The following NARS2 variants were observed in gnomAD, a reference collection of about 807,000 sequenced individuals.
The protein encoded by NARS2 is asparaginyl-tRNA synthetase 2, mitochondrial.
A neutral mutation model predicts 62.9 loss-of-function variants in NARS2; 60 were observed. The ratio of observed to expected loss-of-function variants is 0.95; its 90% CI spans 0.77 to 1.18. The LOEUF is 1.18. NARS2 is among the 50% of genes most tolerant of loss of function. The probability of loss-of-function intolerance (pLI) is 0.00; values close to 1 mark genes in which losing one functional copy is unlikely to be tolerated. For missense variants in NARS2, 619 were observed against 576.4 expected, an observed-to-expected ratio of 1.07 and a Z score of -0.76; for synonymous variants, 196 against 200.0, an observed-to-expected ratio of 0.98 and a Z score of 0.17.
chr11:78,531,711 G>A (rs1243847165), intron 5 of NARS2, among the ~76,000 whole-genome samples: 2 of 152,150 alleles, frequency 1.3e-5, no homozygotes, highest in African/African-American at 4.8e-5. Context: ...AAAATTAAAT[G>A]TTTTAGCATG....
intron 6 of NARS2, among the ~76,000 whole-genome samples, chr11:78,514,843 T>C (rs1860845512): frequency 6.6e-6 from 1 of 152,202 alleles, no homozygotes; most frequent in Non-Finnish European, 1.5e-5. Context: ...ATGCAAATAA[T>C]GTATAACCTA....
chr11:78,494,657 T>A (rs7113559), intron 6 of NARS2, among the ~76,000 whole-genome samples: 47 of 151,888 alleles, frequency 3.1e-4, no homozygotes, highest in Middle Eastern at 3.4e-3. Flanking sequence ...CTGAGAACCT[T>A]AGTTTTTATT....
At chr11:78,465,710 G>C (rs1405779555) in intron 11 of NARS2, among the ~76,000 whole-genome samples, 166 bp downstream of exon 11, 1 of 152,212 alleles carries the variant, frequency 6.6e-6, no homozygotes, top group East Asian at 1.9e-4. Flanking sequence ...TACGTTTATA[G>C]AACACTGGGA....
intron 2 of NARS2, among the ~76,000 whole-genome samples, chr11:78,570,599 G>T (rs1156265424): frequency 6.6e-6 from 1 of 152,124 alleles, no homozygotes; most frequent in Non-Finnish European, 1.5e-5. Context: ...TATCTAGACT[G>T]GTCTTAACTT....
intron 7 of NARS2, among the ~76,000 whole-genome samples, chr11:78,481,115 C>A (rs1859335624): frequency 1.3e-5 from 2 of 151,382 alleles, no homozygotes; most frequent in East Asian, 3.9e-4. Context: ...GCCACCACAC[C>A]TGGCCTAACT....
intron 5 of NARS2, among the ~76,000 whole-genome samples, chr11:78,544,035 A>C (rs1227405540): frequency 2.7e-5 from 4 of 149,640 alleles, no homozygotes; most frequent in Non-Finnish European, 4.4e-5. Flanking sequence ...AAAAAAAAAA[A>C]AAAAACTCTC....
intron 11 of NARS2, among the ~76,000 whole-genome samples, chr11:78,444,292 T>G (rs1239127066): frequency 6.6e-6 from 1 of 152,174 alleles, no homozygotes; most frequent in Non-Finnish European, 1.5e-5. Context: ...TTTTTGTCTG[T>G]TTTTTCTTAT....
intron 4 of NARS2, among the ~76,000 whole-genome samples, chr11:78,565,568 C>T (rs934003695): frequency 3.9e-5 from 6 of 152,050 alleles, no homozygotes; most frequent in African/African-American, 1.4e-4. Context: ...CTGGAGAGAC[C>T]CAAGTGGCTA....
intron 5 of NARS2, among the ~76,000 whole-genome samples, chr11:78,554,508 C>CGTGTGTGTGT (rs71046981): frequency 0.051 from 7,508 of 146,940 alleles, 545 homozygotes; most frequent in African/African-American, 0.16. Flanking sequence ...GGCGTGTGTG[C>CGTGTGTGTGT]GTGTGTGTGT....
chr11:78,469,021 C>G (rs1858752423), intron 10 of NARS2, among the ~76,000 whole-genome samples: 1 of 152,038 alleles, frequency 6.6e-6, no homozygotes, highest in South Asian at 2.1e-4. Flanking sequence ...TTAGTCACTG[C>G]TATTCCAAAT....
intron 11 of NARS2, among the ~76,000 whole-genome samples, chr11:78,457,797 A>AACACAC (rs10556136): frequency 7.4e-5 from 11 of 148,434 alleles, no homozygotes; most frequent in East Asian, 3.9e-4. Flanking sequence ...ATTATGTAAC[A>AACACAC]ACACACACAC....
At chr11:78,449,649 A>G (rs1857894650) in intron 11 of NARS2, among the ~76,000 whole-genome samples, 1 of 152,128 alleles carries the variant, frequency 6.6e-6, no homozygotes, top group African/African-American at 2.4e-5. Flanking sequence ...GAAGCTTACA[A>G]CCAGGTTTCT....
intron 1 of NARS2, 137 bp from the exon 2 acceptor site, chr11:78,571,581 T>C (rs1172748279): frequency 4.4e-5 from 27 of 609,662 alleles, no homozygotes; most frequent in South Asian, 4.2e-4. Context: ...AGTTCACCAA[T>C]ATGCATACTT....
At chr11:78,497,590 A>T (rs1860115807) in intron 6 of NARS2, among the ~76,000 whole-genome samples, 1 of 152,176 alleles carries the variant, frequency 6.6e-6, no homozygotes, top group African/African-American at 2.4e-5. Flanking sequence ...TGGATTTTAA[A>T]AGTTTTTGCC....
Position 78,514,105 on chromosome 11 carries a change from A to G in NARS2, c.689+14737T>C, listed in dbSNP as rs1204263795. ...GTTAGCCAATTCAACCTATTTTCCT[A>G]CCAATTACCCAGTCTCAGGTATTTC... On this transcript the variant is annotated intron_variant, in intron 6 of 13. Transcript: ENST00000281038. 2.0e-5 allele frequency among the ~76,000 whole-genome samples: 3 copies of G among 151,874 alleles called. No homozygotes were observed. In the East Asian group the frequency reaches 5.8e-4, roughly 29 times the overall value.
chr11:78,537,431 G>C (rs771779747), intron 5 of NARS2, among the ~76,000 whole-genome samples: 5 of 150,638 alleles, frequency 3.3e-5, no homozygotes, highest in Non-Finnish European at 7.4e-5. Context: ...TTATTGCTAA[G>C]ATGAGACTCA....
chr11:78,564,286 C>A (rs1856665972), intron 4 of NARS2, among the ~76,000 whole-genome samples: 1 of 152,174 alleles, frequency 6.6e-6, no homozygotes, highest in Admixed American at 6.5e-5. Flanking sequence ...GCCTCCACCT[C>A]CTGGGCTCAA....
intron 10 of NARS2, among the ~76,000 whole-genome samples, chr11:78,467,088 G>C (rs1157235075): frequency 6.6e-6 from 1 of 152,160 alleles, no homozygotes; most frequent in African/African-American, 2.4e-5. Flanking sequence ...ACAAGGAATA[G>C]TTTAAACACA....
chr11:78,465,129 T>C (rs967732978), intron 11 of NARS2, among the ~76,000 whole-genome samples: 1 of 152,210 alleles, frequency 6.6e-6, no homozygotes, highest in Non-Finnish European at 1.5e-5. Flanking sequence ...GGAAGGCAGC[T>C]AAGGCCTGGC....
Sources: allele counts gnomAD v4.1 joint callset (sites outside exome capture counted in the v4.1 genomes callset), GRCh38; gene constraint gnomAD v4.1.1; transcripts MANE v1.5; gene names NCBI Gene and HGNC (gene_info 2026-07-23, HGNC 2026-07-21).